PHKA2: variants seen among roughly 807,000 people sequenced by gnomAD.
PHKA2 encodes the protein phosphorylase b kinase regulatory subunit alpha, liver isoform.
A neutral mutation model predicts 102.0 loss-of-function variants in PHKA2; 31 were observed. The observed-to-expected ratio is 0.30, with a 90% confidence interval of 0.23 to 0.41. The LOEUF (loss-of-function observed/expected upper bound fraction) is 0.41. Among genes scored for constraint, PHKA2 ranks in the 10% least tolerant of loss-of-function variants. The pLI, the probability that PHKA2 is intolerant of heterozygous loss-of-function variation, is 1.00. For missense variants in PHKA2, 858 were observed against 1,023.1 expected (o/e 0.84, Z 2.20); for synonymous variants, 455 against 416.2 (o/e 1.09, Z -1.13).
chrX:18,967,824 T>A, intron 1 of PHKA2, among the ~76,000 whole-genome samples: 1 of 110,709 alleles, frequency 9.0e-6, no homozygotes, highest in Middle Eastern at 4.7e-3. Context: ...AAAGAAAAAG[T>A]TAAAGATCAA....
At chrX:18,899,362 A>T (rs2047635142) in intron 28 of PHKA2, 136 bp from the exon 29 acceptor site, 1 of 552,983 alleles carries the variant, frequency 1.8e-6, no homozygotes, top group Non-Finnish European at 3.1e-6. Context: ...AAGGTGCCAC[A>T]GCAACGCACA....
At chrX:18,918,646 G>A (rs1048236990) in intron 19 of PHKA2, 35 bp downstream of exon 19, 1 of 1,139,909 alleles carries the variant, frequency 8.8e-7, no homozygotes, top group Non-Finnish European at 1.2e-6. Flanking sequence ...ATAAAAGAAG[G>A]TATTTTAACA....
intron 1 of PHKA2, among the ~76,000 whole-genome samples, chrX:18,978,541 G>A (rs1221150561): frequency 9.1e-6 from 1 of 109,688 alleles, no homozygotes; most frequent in African/African-American, 3.3e-5. Context: ...GTGAAACCCC[G>A]TATCTACTAA....
rs748811059 is a variant in PHKA2 at position 18,919,759 on chromosome X, A to G, written c.1963+273T>C. On this transcript the variant is annotated intron_variant, in intron 18 of 32. Transcript: ENST00000379942. The stretch of plus-strand genomic sequence containing the variant: ...AAAAAAAAAAAAAAGAGAGAGAGAG[A>G]AGAAAAAAAAGAAAAAAAGTCCCCA... Among the ~76,000 whole-genome samples the G allele has an allele frequency of 2.9e-5, 3 of 105,233 alleles. No individual in the cohort carries two copies. The East Asian group carries it at 9.1e-4, about 32-fold the overall frequency. 91.4% of individuals were successfully genotyped at this position (105,233 alleles called of 115,157 possible).
At chrX:18,925,830 T>C (rs2048201507) in intron 14 of PHKA2, 53 bp from the exon 15 acceptor site, 1 of 834,899 alleles carries the variant, frequency 1.2e-6, no homozygotes, top group South Asian at 2.0e-5. Flanking sequence ...GGTTAACAAG[T>C]AATCCAGGCA....
At position 18,934,551 on chromosome X, in the gene PHKA2, G is replaced by A. The variant is rs139734293; in HGVS notation, c.1137+1504C>T. Among the ~76,000 whole-genome samples, 12 of 111,801 alleles carry A rather than the reference G, an allele frequency of 1.1e-4. No homozygotes were observed. In the East Asian group the frequency reaches 1.1e-3, roughly 11 times the overall value. On this transcript the variant is annotated intron_variant, in intron 11 of 32. Transcript: ENST00000379942. ...TAAATGCAAAAAACTGAATGCTTCC[G>A]GCAATGGCACATTCTACTTCTCACG...
At chrX:18,928,033 C>T (rs2048242503) in intron 13 of PHKA2, among the ~76,000 whole-genome samples, 1 of 112,190 alleles carries the variant, frequency 8.9e-6, no homozygotes, top group African/African-American at 3.2e-5. Context: ...CTGGTCAACA[C>T]CCATCAAAGT....
intron 20 of PHKA2, among the ~76,000 whole-genome samples, chrX:18,910,341 A>G (rs1275723802): frequency 1.8e-5 from 2 of 111,777 alleles, no homozygotes; most frequent in Non-Finnish European, 3.8e-5. Flanking sequence ...TTAGCTGGGC[A>G]TGGTGGCGCA....
intron 1 of PHKA2, among the ~76,000 whole-genome samples, chrX:18,956,001 T>A (rs1247265628): frequency 8.9e-6 from 1 of 112,430 alleles, no homozygotes; most frequent in Non-Finnish European, 1.9e-5. Flanking sequence ...AATAGTGGAC[T>A]ACTGGTATTC....
Position 18,929,208 on chromosome X carries a change from C to G in PHKA2, c.1324+20G>C. The G allele has an allele frequency of 9.6e-7, 1 of 1,041,239 alleles. No homozygotes were observed. 85.8% of individuals were successfully genotyped at this position (1,041,239 alleles called of 1,213,427 possible). ...TTGGTTTTACAAAGTTAAATATGAA[C>G]AGTAAACACGCTCACAAACCTTGTA... On this transcript the variant is annotated intron_variant, in intron 13 of 32. Transcript: ENST00000379942.
At position 18,895,171 on chromosome X, in the gene PHKA2, A is replaced by G. The variant is rs770327810; in HGVS notation, c.3303T>C (p.Asp1101=). The G allele has an allele frequency of 1.5e-5, 18 of 1,209,492 alleles. No homozygotes were observed. Among genetic ancestry groups the G allele is most frequent in the Admixed American group, 4.4e-5 (2 of 45,859 alleles). The part of the protein sequence containing the change: ...ILQKCHGLSI[D]GYVLPSSTTR... ...TCGTCGAGGATGGGAGGACATAACC[A>G]TCGATGGAGAGACCGTGGCACTGGA... The change falls in exon 31 of 33, where the codon GAT becomes GAC. Residue 1101 remains aspartate (D), a synonymous_variant. Coordinates refer to ENST00000379942, the MANE Select transcript of PHKA2 (RefSeq NM_000292.3).
intron 5 of PHKA2, among the ~76,000 whole-genome samples, chrX:18,947,647 TC>T (rs751253835): frequency 8.9e-6 from 1 of 112,237 alleles, no homozygotes; most frequent in African/African-American, 3.2e-5. Context: ...GCAATCCCAC[TC>T]CTGGGTAACT....
intron 1 of PHKA2, among the ~76,000 whole-genome samples, chrX:18,955,616 T>C (rs2048762837): frequency 9.0e-6 from 1 of 111,509 alleles, no homozygotes; most frequent in African/African-American, 3.3e-5. Flanking sequence ...TTTGTACATA[T>C]CTAATAAAAT....
intron 4 of PHKA2, among the ~76,000 whole-genome samples, chrX:18,949,531 C>T (rs1336175373): frequency 9.0e-6 from 1 of 111,586 alleles, no homozygotes; most frequent in Non-Finnish European, 1.9e-5. Context: ...GGTATTGCAA[C>T]ATTAGTTATA....
rs1351155564 is a variant in PHKA2, at chrX:18,905,743, G to C, written c.2908+15C>G. 9.0e-7 allele frequency: 1 copy of C among 1,108,728 alleles called. No individual in the cohort carries two copies. The highest frequency in any genetic ancestry group is 3.0e-5 in the East Asian group (1 of 33,403). 91.4% of individuals were successfully genotyped at this position (1,108,728 alleles called of 1,213,427 possible). Reference sequence around the variant, plus strand: ...GGCAGCTCCCTGAAGACGTTAACAGGAGCATGGAACTTACCACTTCTTTCA... The same window carrying C: ...GGCAGCTCCCTGAAGACGTTAACAGCAGCATGGAACTTACCACTTCTTTCA... On this transcript the variant is annotated intron_variant, in intron 26 of 32. Transcript: ENST00000379942.
chrX:18,959,177 G>A (rs2048829367), intron 1 of PHKA2, among the ~76,000 whole-genome samples: 1 of 112,284 alleles, frequency 8.9e-6, no homozygotes, highest in Non-Finnish European at 1.9e-5. Flanking sequence ...CCTGTCAGAT[G>A]GGGATTATAA....
rs1196226899 is a variant in PHKA2, at chrX:18,892,792, A to G, written c.*693T>C. 1 of 108,569 alleles carries G rather than the reference A, an allele frequency of 9.2e-6. No individual in the cohort carries two copies. Among genetic ancestry groups the G allele is most frequent in the African/African-American group, 3.4e-5 (1 of 29,628 alleles). The allele number at this position is 108,569 out of a possible 1,213,427, so 8.9% of individuals were successfully genotyped here. A position where few individuals can be genotyped will look rare whatever the true frequency, so the allele number is the denominator to read the frequency against. On this transcript the variant is annotated 3_prime_UTR_variant, in exon 33 of 33. Transcript: ENST00000379942. The stretch of plus-strand genomic sequence containing the variant: ...TCCAGAAGATGCAGTATTTTTCCTA[A>G]GGCAGGAGAAAACCCTAGTTCATAG...
chrX:18,901,751 C>T, intron 26 of PHKA2, 148 bp from the exon 27 acceptor site: 1 of 511,718 alleles, frequency 2.0e-6, no homozygotes, highest in African/African-American at 2.3e-5. Context: ...AGCACAGGTG[C>T]AGCACTCAGC....
rs551170212 is a variant in PHKA2 at position 18,974,625 on chromosome X, T to C, written c.78+9230A>G. On this transcript the variant is annotated intron_variant, in intron 1 of 32. Transcript: ENST00000379942. ...ATCCGAGATCAGAGTGCCAGCAGGG[T>C]CAAGTTCCAGTGAGGGCCCTCCTCT... Among the ~76,000 whole-genome samples the C allele has an allele frequency of 2.2e-4, 25 of 111,456 alleles. No homozygotes were observed. The South Asian group carries it at 9.1e-3, about 41-fold the overall frequency.
Sources: gnomAD v4.1 joint callset for allele counts (sites outside exome capture counted in the v4.1 genomes callset) on GRCh38, gnomAD v4.1.1 for gene constraint, MANE v1.5 for transcripts, NCBI Gene and HGNC (gene_info 2026-07-23, HGNC 2026-07-21) for gene names.